LRRTM4: variants seen among roughly 807,000 people sequenced by gnomAD.
The protein encoded by LRRTM4 is leucine rich repeat transmembrane neuronal 4.
A neutral mutation model predicts 47.6 loss-of-function variants in LRRTM4; 25 were observed. That is an observed-to-expected ratio of 0.53 (90% CI 0.38 to 0.73). The LOEUF is 0.73. Among genes scored for constraint, LRRTM4 ranks in the 30% least tolerant of loss-of-function variants. LRRTM4 has a pLI of 0.00. For missense variants in LRRTM4, 638 were observed against 713.4 expected (o/e 0.89, Z 1.20); for synonymous variants, 311 against 269.5 (o/e 1.15, Z -1.51).
chr2:77,164,482 C>G (rs572931017), intron 3 of LRRTM4, among the ~76,000 whole-genome samples: 24 of 152,304 alleles, frequency 1.6e-4, no homozygotes, highest in African/African-American at 5.5e-4. Flanking sequence ...ACAGAACTCT[C>G]CACCCCAAAT....
intron 3 of LRRTM4, among the ~76,000 whole-genome samples, chr2:77,104,258 A>T (rs1346817486): frequency 6.6e-6 from 1 of 152,066 alleles, no homozygotes; most frequent in African/African-American, 2.4e-5. Flanking sequence ...TCAATGGCCC[A>T]GTTATTTTCT....
chr2:77,148,796 A>G (rs1672340948), intron 3 of LRRTM4, among the ~76,000 whole-genome samples: 1 of 152,168 alleles, frequency 6.6e-6, no homozygotes, highest in Non-Finnish European at 1.5e-5. Context: ...TGTATTTATA[A>G]TTCAATGAGG....
chr2:77,214,420 A>T (rs1196114496), intron 3 of LRRTM4, among the ~76,000 whole-genome samples: 3 of 152,158 alleles, frequency 2.0e-5, no homozygotes, highest in Non-Finnish European at 4.4e-5. Context: ...AGATGCACAG[A>T]AGGTTCACAG....
intron 3 of LRRTM4, among the ~76,000 whole-genome samples, chr2:76,833,757 G>A (rs922466952): frequency 6.6e-6 from 1 of 151,598 alleles, no homozygotes; most frequent in South Asian, 2.1e-4. Flanking sequence ...GTGAAAATGA[G>A]ACAATTTTAA....
At chr2:77,410,319 C>T (rs1236096269) in intron 3 of LRRTM4, among the ~76,000 whole-genome samples, 1 of 152,066 alleles carries the variant, frequency 6.6e-6, no homozygotes. Flanking sequence ...GGAGCCAGTT[C>T]TGTTGTGATT....
chr2:77,025,805 C>T (rs1005295263), intron 3 of LRRTM4, among the ~76,000 whole-genome samples: 3 of 152,120 alleles, frequency 2.0e-5, no homozygotes, highest in Non-Finnish European at 4.4e-5. Context: ...ATTTTTTTAT[C>T]CTTTTATTCC....
In LRRTM4 at chr2:76,988,478, C is replaced by T. The variant is rs1573409951; in HGVS notation, c.1552-239562G>A. Among the ~76,000 whole-genome samples the T allele has an allele frequency of 2.0e-5, 3 of 151,898 alleles. No individual in the cohort carries two copies. In the East Asian group the frequency reaches 5.8e-4, roughly 30 times the overall value. The stretch of plus-strand genomic sequence containing the variant: ...TGGTGATGGAATGTTCCAGTCTACA[C>T]AAGAGTTTTCTTTTTTCCCTTATGC... On this transcript the variant is annotated intron_variant, in intron 3 of 3. Coordinates refer to ENST00000409884, the MANE Select transcript of LRRTM4 (RefSeq NM_001134745.3).
chr2:77,379,874 T>C (rs1274727421), intron 3 of LRRTM4, among the ~76,000 whole-genome samples: 1 of 152,100 alleles, frequency 6.6e-6, no homozygotes, highest in Non-Finnish European at 1.5e-5. Flanking sequence ...GCTGCTAACT[T>C]GTAGTTGGTC....
intron 3 of LRRTM4, among the ~76,000 whole-genome samples, chr2:76,819,303 G>C (rs1355059555): frequency 2.6e-5 from 4 of 151,726 alleles, no homozygotes; most frequent in African/African-American, 9.7e-5. Flanking sequence ...TGAGGAAACT[G>C]AATCATGGAG....
At chr2:77,220,499 G>C (rs1674587663) in intron 3 of LRRTM4, among the ~76,000 whole-genome samples, 1 of 152,160 alleles carries the variant, frequency 6.6e-6, no homozygotes, top group Non-Finnish European at 1.5e-5. Flanking sequence ...CCAATGCAGA[G>C]AAGTCCTTAA....
chr2:77,055,291 GAAA>G (rs1679565402), intron 3 of LRRTM4, among the ~76,000 whole-genome samples: 1 of 152,160 alleles, frequency 6.6e-6, no homozygotes, highest in Non-Finnish European at 1.5e-5. Context: ...TGATTCTCAG[GAAA>G]GAACATGCCC....
intron 3 of LRRTM4, among the ~76,000 whole-genome samples, chr2:77,359,020 T>C (rs1003510833): frequency 1.3e-5 from 2 of 152,190 alleles, no homozygotes; most frequent in Non-Finnish European, 2.9e-5. Flanking sequence ...ATCCTTTATT[T>C]TCATCTAATT....
At chr2:76,798,705 A>AAGACT (rs1243783952) in intron 3 of LRRTM4, among the ~76,000 whole-genome samples, 1 of 151,146 alleles carries the variant, frequency 6.6e-6, no homozygotes, top group African/African-American at 2.4e-5. Context: ...GACCGCTAGC[A>AAGACT]AGACTAATAA....
intron 3 of LRRTM4, among the ~76,000 whole-genome samples, chr2:77,215,546 C>T (rs1465295258): frequency 6.6e-6 from 1 of 151,960 alleles, no homozygotes; most frequent in Non-Finnish European, 1.5e-5. Context: ...CTTGGTATCT[C>T]CTCATTAAAT....
intron 3 of LRRTM4, among the ~76,000 whole-genome samples, chr2:76,842,241 C>CT (rs1671705221): frequency 1.3e-5 from 2 of 152,176 alleles, no homozygotes; most frequent in Admixed American, 6.6e-5. Context: ...TGGTTCCCTG[C>CT]TTTTCAGGCT....
intron 3 of LRRTM4, among the ~76,000 whole-genome samples, chr2:76,857,327 A>G (rs1055989495): frequency 2.0e-5 from 3 of 148,168 alleles, no homozygotes; most frequent in Non-Finnish European, 4.5e-5. Context: ...TATAATATAT[A>G]TATCATATAT....
intron 3 of LRRTM4, among the ~76,000 whole-genome samples, chr2:77,110,073 CA>C (rs1448488440): frequency 6.6e-6 from 1 of 152,058 alleles, no homozygotes; most frequent in Non-Finnish European, 1.5e-5. Context: ...TCACATTTCT[CA>C]AAATTGTTGA....
rs1411635543 is a variant in LRRTM4, at chr2:77,013,112, G to A, written c.1552-264196C>T. ...TTCTCATTTTTCTTTTTTTCCTTCA[G>A]CTTTCCCATTGAGATAGATCATTAC... is the stretch of plus-strand genomic sequence containing the variant. On this transcript the variant is annotated intron_variant, in intron 3 of 3. Coordinates refer to ENST00000409884, the MANE Select transcript of LRRTM4 (RefSeq NM_001134745.3). 3.3e-5 allele frequency among the ~76,000 whole-genome samples: 5 copies of A among 152,056 alleles called. No homozygotes were observed. In the East Asian group the frequency reaches 9.6e-4, roughly 29 times the overall value.
At chr2:76,996,474 T>C (rs1489926994) in intron 3 of LRRTM4, among the ~76,000 whole-genome samples, 2 of 152,078 alleles carry the variant, frequency 1.3e-5, no homozygotes, top group African/African-American at 2.4e-5. Flanking sequence ...GTTACTTCTT[T>C]GAAAATTATG....
Sources: gnomAD v4.1 joint callset for allele counts (sites outside exome capture counted in the v4.1 genomes callset) on GRCh38, gnomAD v4.1.1 for gene constraint, MANE v1.5 for transcripts, NCBI Gene and HGNC (gene_info 2026-07-23, HGNC 2026-07-21) for gene names.